The following RBMS3 variants were observed in gnomAD, a reference collection of about 807,000 sequenced individuals.
The protein encoded by RBMS3 is RNA-binding motif, single-stranded-interacting protein 3.
RBMS3 carries 27 observed loss-of-function variants against 66.8 expected under a neutral mutation model. The observed-to-expected ratio is 0.40, with a 90% CI of 0.30 to 0.56. The LOEUF is 0.56. Among genes scored for constraint, RBMS3 ranks in the 20% least tolerant of loss-of-function variants. The pLI is 0.40. For missense variants in RBMS3, 513 were observed against 549.5 expected, an observed-to-expected ratio of 0.93 and a Z score of 0.66; for synonymous variants, 188 against 183.0, an observed-to-expected ratio of 1.03 and a Z score of -0.22.
chr3:29,497,522 T>C (rs539783948), intron 3 of RBMS3, among the ~76,000 whole-genome samples: 1 of 152,286 alleles, frequency 6.6e-6, no homozygotes, highest in East Asian at 1.9e-4. Context: ...TCGATAAACA[T>C]AAAATGCTCT....
chr3:29,492,019 A>G (rs2043566781), intron 3 of RBMS3, among the ~76,000 whole-genome samples: 1 of 151,856 alleles, frequency 6.6e-6, no homozygotes. Flanking sequence ...ATTGGACACC[A>G]TTTAGACCGT....
intron 4 of RBMS3, among the ~76,000 whole-genome samples, chr3:29,730,156 A>C (rs1473899768): frequency 6.6e-6 from 1 of 152,162 alleles, no homozygotes; most frequent in Non-Finnish European, 1.5e-5. Flanking sequence ...TATTCATGAT[A>C]TACTAAAAAT....
rs539580606 is a variant in RBMS3 at position 29,844,483 on chromosome 3, A to T, written c.638-24375A>T. On this transcript the variant is annotated intron_variant, in intron 6 of 14. Transcript: ENST00000383767. ...ATGTGTAATTTGGTCACATTTCCTG[A>T]TAAGATAATAAGACTTTTTGCTTTC... 2.0e-5 allele frequency among the ~76,000 whole-genome samples: 3 copies of T among 151,946 alleles called. No individual in the cohort carries two copies. The South Asian group carries it at 6.2e-4, about 31-fold the overall frequency.
chr3:29,853,955 G>A (rs1487663738), intron 6 of RBMS3, among the ~76,000 whole-genome samples: 3 of 152,182 alleles, frequency 2.0e-5, no homozygotes, highest in Non-Finnish European at 4.4e-5. Context: ...GGTGCCTAGA[G>A]ACTGGCAGAA....
At chr3:29,475,433 A>T (rs980706152) in intron 2 of RBMS3, among the ~76,000 whole-genome samples, 1 of 151,930 alleles carries the variant, frequency 6.6e-6, no homozygotes, top group Admixed American at 6.6e-5. Context: ...TAGTTTTCGT[A>T]GGGATGGGGT....
intron 4 of RBMS3, among the ~76,000 whole-genome samples, chr3:29,722,330 ATAT>A (rs1468073287): frequency 1.3e-5 from 2 of 152,194 alleles, no homozygotes; most frequent in African/African-American, 4.8e-5. Context: ...TAATATATAC[ATAT>A]TATTATTTTA....
chr3:29,959,802 A>T (rs1696299007), intron 12 of RBMS3, among the ~76,000 whole-genome samples: 1 of 152,116 alleles, frequency 6.6e-6, no homozygotes, highest in Admixed American at 6.5e-5. Context: ...AGCCCCTTAT[A>T]AAACCATCAG....
chr3:29,684,014 T>A (rs986871595), intron 4 of RBMS3, among the ~76,000 whole-genome samples: 2 of 152,226 alleles, frequency 1.3e-5, no homozygotes, highest in Non-Finnish European at 2.9e-5. Context: ...GTGACTAGTA[T>A]AATAAACAAA....
At chr3:29,533,772 G>A (rs1968514) in intron 3 of RBMS3, among the ~76,000 whole-genome samples, 7,112 of 151,240 alleles carry the variant, frequency 0.047, 214 homozygotes, top group South Asian at 0.1. Flanking sequence ...GCGAGGCTCC[G>A]TCTCTAAATA....
chr3:29,744,577 T>C lies in RBMS3; in HGVS notation c.557+4700T>C, dbSNP rs543037177. The stretch of plus-strand genomic sequence containing the variant: ...GGCAGGCAGATCATGAGGTCAGGAG[T>C]TCGAGGCCAGCCTGGCCAACATAGC... On this transcript the variant is annotated intron_variant, in intron 5 of 14. Transcript: ENST00000383767. Among the ~76,000 whole-genome samples the C allele has an allele frequency of 1.4e-4, 22 of 152,022 alleles. No individual in the cohort carries two copies. In the South Asian group the frequency reaches 4.6e-3, roughly 32 times the overall value.
At position 29,448,449 on chromosome 3, in the gene RBMS3, C is replaced by T. The variant is rs998208573; in HGVS notation, c.248+13534C>T. On this transcript the variant is annotated intron_variant, in intron 2 of 14. Transcript: ENST00000383767. ...GTCTTTAAATAAACAGTTCTTTGTT[C>T]TCTGCCTCTGTGTGCGACTCTTCTT... 2.4e-4 allele frequency among the ~76,000 whole-genome samples: 36 copies of T among 152,188 alleles called. 1 individual carries two copies. Among genetic ancestry groups the T allele is most frequent in the African/African-American group, 8.7e-4 (36 of 41,448 alleles).
At chr3:29,494,493 G>A (rs528018723) in intron 3 of RBMS3, among the ~76,000 whole-genome samples, 1 of 152,280 alleles carries the variant, frequency 6.6e-6, no homozygotes, top group South Asian at 2.1e-4. Context: ...GCTGAACAAA[G>A]CGAGTAACAG....
chr3:29,436,683 C>A (rs1398972331), intron 2 of RBMS3, among the ~76,000 whole-genome samples: 1 of 152,118 alleles, frequency 6.6e-6, no homozygotes, highest in East Asian at 1.9e-4. Context: ...ATTTGAAACT[C>A]ATTTATTTTT....
rs71091081 is a variant in RBMS3 at position 29,853,423 on chromosome 3, C to CTTTTTTTTTTTTTTTTTTTTTTTTT, written c.638-15413_638-15412insTTTTTTTTTTTTTTTTTTTTTTTTT. On this transcript the variant is annotated intron_variant, in intron 6 of 14. Transcript: ENST00000383767. ...TGTATCTTAAGCTACAATTTACTTTCTTTTTTTTTTTTTTTTTTTTTTGCA... is the reference window on the plus strand; with the variant it reads ...TGTATCTTAAGCTACAATTTACTTTCTTTTTTTTTTTTTTTTTTTTTTTTTTTTTTTTTTTTTTTTTTTTTTTGCA... Among the ~76,000 whole-genome samples the CTTTTTTTTTTTTTTTTTTTTTTTTT allele has an allele frequency of 1.4e-4, 12 of 84,526 alleles. 1 individual carries two copies. Among genetic ancestry groups the CTTTTTTTTTTTTTTTTTTTTTTTTT allele is most frequent in the African/African-American group, 6.0e-4 (11 of 18,406 alleles). 55.5% of individuals were successfully genotyped at this position (84,526 alleles called of 152,430 possible). A position where few individuals can be genotyped will look rare whatever the true frequency, so the allele number is the denominator to read the frequency against.
rs1222925970 is a variant in RBMS3 at position 29,614,693 on chromosome 3, G to A, written c.399+27488G>A. Reference sequence around the variant, plus strand: ...GCTAATAGCCTTATCTCATATATCAGTATAAATTCTAGCTTGTTAAAGAGA... The same window carrying A: ...GCTAATAGCCTTATCTCATATATCAATATAAATTCTAGCTTGTTAAAGAGA... On this transcript the variant is annotated intron_variant, in intron 4 of 14. Coordinates refer to ENST00000383767, the MANE Select transcript of RBMS3 (RefSeq NM_001003793.3). 4 of 152,080 alleles carry A rather than the reference G, an allele frequency of 2.6e-5. No individual in the cohort carries two copies. The East Asian group carries it at 7.7e-4, about 29-fold the overall frequency. 9.4% of individuals were successfully genotyped at this position (152,080 alleles called of 1,614,324 possible). A position where few individuals can be genotyped will look rare whatever the true frequency, so the allele number is the denominator to read the frequency against.
At chr3:29,604,876 C>A (rs2048268583) in intron 4 of RBMS3, among the ~76,000 whole-genome samples, 1 of 151,822 alleles carries the variant, frequency 6.6e-6, no homozygotes, top group South Asian at 2.1e-4. Flanking sequence ...TGTCTACCAG[C>A]ATATCTTTTT....
At chr3:29,553,654 C>A (rs1294025330) in intron 3 of RBMS3, among the ~76,000 whole-genome samples, 1 of 151,954 alleles carries the variant, frequency 6.6e-6, no homozygotes, top group African/African-American at 2.4e-5. Context: ...AACAGGGCAC[C>A]TAGTGATGCA....
chr3:30,000,559 A>AAATC (rs1402173821), intron 14 of RBMS3, among the ~76,000 whole-genome samples: 1 of 152,210 alleles, frequency 6.6e-6, no homozygotes, highest in African/African-American at 2.4e-5. Context: ...AAAGGATTAT[A>AAATC]AATCATTCTA....
chr3:29,526,782 A>G (rs1248947184), intron 3 of RBMS3, among the ~76,000 whole-genome samples: 1 of 152,066 alleles, frequency 6.6e-6, no homozygotes, highest in Non-Finnish European at 1.5e-5. Flanking sequence ...TCTAATATTT[A>G]AAGATAGATA....
Sources: gnomAD v4.1 joint callset for allele counts (sites outside exome capture counted in the v4.1 genomes callset) on GRCh38, gnomAD v4.1.1 for gene constraint, MANE v1.5 for transcripts, NCBI Gene and HGNC (gene_info 2026-07-23, HGNC 2026-07-21) for gene names.